Variants in FRMD5 observed in about 807,000 individuals in gnomAD.
FRMD5 encodes the protein FERM domain containing 5.
Under a neutral mutation model 69.0 loss-of-function variants are expected in FRMD5, and 20 were observed. The observed-to-expected ratio is 0.29, with a 90% CI of 0.20 to 0.42. The LOEUF (loss-of-function observed/expected upper bound fraction) is 0.42, where lower values mean the gene tolerates loss of function less well. Ranked by LOEUF, FRMD5 falls within the 10% of genes least tolerant of loss-of-function variation. FRMD5 has a pLI of 1.00. For synonymous variants in FRMD5, 271 were observed against 260.1 expected (o/e 1.04, Z -0.40); for missense variants, 595 against 708.6 (o/e 0.84, Z 1.82).
intron 1 of FRMD5, among the ~76,000 whole-genome samples, chr15:44,127,560 C>T (rs1376858214): frequency 3.3e-5 from 5 of 152,108 alleles, no homozygotes; most frequent in African/African-American, 1.2e-4. Flanking sequence ...CTCTCCTTTC[C>T]CTCAATTATA....
chr15:44,151,746 T>G (rs940529383), intron 1 of FRMD5, among the ~76,000 whole-genome samples: 5 of 152,108 alleles, frequency 3.3e-5, no homozygotes, highest in African/African-American at 1.2e-4. Flanking sequence ...AAAAAAAAGT[T>G]TGGACTTCAT....
chr15:43,938,141 G>T (rs1595537552), intron 1 of FRMD5, among the ~76,000 whole-genome samples: 1 of 147,632 alleles, frequency 6.8e-6, no homozygotes, highest in Admixed American at 6.9e-5. Flanking sequence ...TGAGGCAGGA[G>T]AATGGTGTCA....
chr15:44,031,602 C>A (rs1454379023), intron 1 of FRMD5, among the ~76,000 whole-genome samples: 2 of 152,060 alleles, frequency 1.3e-5, no homozygotes, highest in Non-Finnish European at 2.9e-5. Context: ...ATGACCTAAC[C>A]ACCTCCCGAA....
chr15:43,967,379 T>G (rs1442655918), intron 1 of FRMD5, among the ~76,000 whole-genome samples: 2 of 151,970 alleles, frequency 1.3e-5, no homozygotes, highest in South Asian at 2.1e-4. Flanking sequence ...ACTATAGGCA[T>G]GTGCCACCAC....
intron 7 of FRMD5, chr15:43,901,871 T>A (rs1043954374): frequency 1.2e-5 from 4 of 345,856 alleles, no homozygotes; most frequent in African/African-American, 4.3e-5. Context: ...TCGTTCTCTG[T>A]GGGGGGCCTT....
chr15:43,962,800 T>C (rs1476063177), intron 1 of FRMD5, among the ~76,000 whole-genome samples: 1 of 152,136 alleles, frequency 6.6e-6, no homozygotes, highest in African/African-American at 2.4e-5. Flanking sequence ...AAACAAGCAA[T>C]GGGGAAAGGA....
In FRMD5 at chr15:43,915,788, G is replaced by A. The variant is rs142897947; in HGVS notation, c.329+3671C>T. ...CCCCCTTCTCTCAGCCTGGCTTTAT[G>A]GGAATGGCTGAGACAGCAGTGAAAT... On this transcript the variant is annotated intron_variant, in intron 4 of 13. Coordinates refer to ENST00000417257, the MANE Select transcript of FRMD5 (RefSeq NM_032892.5). Among the ~76,000 whole-genome samples, 208 of 152,296 alleles carry A rather than the reference G, an allele frequency of 1.4e-3. 1 individual carries two copies. The highest frequency in any genetic ancestry group is 2.5e-3 in the Non-Finnish European group (169 of 68,028).
chr15:43,951,012 G>A (rs981339865), intron 1 of FRMD5, among the ~76,000 whole-genome samples: 1 of 152,174 alleles, frequency 6.6e-6, no homozygotes. Context: ...GGGCCAGTCA[G>A]AAGATCTACA....
At chr15:44,113,920 T>C (rs1192432277) in intron 1 of FRMD5, among the ~76,000 whole-genome samples, 1 of 152,122 alleles carries the variant, frequency 6.6e-6, no homozygotes, top group Non-Finnish European at 1.5e-5. Context: ...AAACACCAGA[T>C]TAATCGACAT....
chr15:44,102,287 T>C (rs1224385345), intron 1 of FRMD5, among the ~76,000 whole-genome samples: 5 of 152,202 alleles, frequency 3.3e-5, no homozygotes, highest in Non-Finnish European at 7.3e-5. Context: ...GTGAAAAATA[T>C]AGTCAAATCC....
At chr15:43,921,994 A>G (rs1205838170) in intron 2 of FRMD5, among the ~76,000 whole-genome samples, 1 of 152,144 alleles carries the variant, frequency 6.6e-6, no homozygotes, top group Non-Finnish European at 1.5e-5. Context: ...ACCCTGAGGG[A>G]GCAGGGGAGC....
chr15:43,993,188 GT>G (rs935331877), intron 1 of FRMD5, among the ~76,000 whole-genome samples: 1 of 152,028 alleles, frequency 6.6e-6, no homozygotes, highest in South Asian at 2.1e-4. Context: ...TAACATAATA[GT>G]TTTTTTGTTT....
At position 44,153,257 on chromosome 15, in the gene FRMD5, T is replaced by C. The variant is rs559091410; in HGVS notation, c.102+41696A>G. ...TGAACACAAGGTCTCAAAGAGATACTTGTATATCCATGTTCACAGCAGCAT... is the reference window on the plus strand; with the variant it reads ...TGAACACAAGGTCTCAAAGAGATACCTGTATATCCATGTTCACAGCAGCAT... On this transcript the variant is annotated intron_variant, in intron 1 of 13. Coordinates refer to ENST00000417257, the MANE Select transcript of FRMD5 (RefSeq NM_032892.5). Among the ~76,000 whole-genome samples the C allele has an allele frequency of 6.6e-5, 10 of 152,334 alleles. No homozygotes were observed. The South Asian group carries it at 1.9e-3, about 28-fold the overall frequency.
intron 1 of FRMD5, among the ~76,000 whole-genome samples, chr15:44,057,731 G>T (rs1293411578): frequency 1.3e-5 from 2 of 152,292 alleles, no homozygotes; most frequent in South Asian, 4.1e-4. Flanking sequence ...TTCTAATTTT[G>T]CTATAATTGG....
intron 1 of FRMD5, among the ~76,000 whole-genome samples, chr15:43,942,396 G>A (rs909445412): frequency 2.0e-5 from 3 of 152,178 alleles, no homozygotes; most frequent in East Asian, 1.9e-4. Context: ...CAGCAACACC[G>A]AAACTCATTA....
intron 1 of FRMD5, among the ~76,000 whole-genome samples, chr15:43,935,054 T>C (rs1366313504): frequency 1.3e-5 from 2 of 152,198 alleles, no homozygotes; most frequent in Non-Finnish European, 2.9e-5. Flanking sequence ...CTCTGAAACG[T>C]GGCTGAGGCA....
At chr15:44,065,635 G>C (rs1375305221) in intron 1 of FRMD5, among the ~76,000 whole-genome samples, 1 of 151,978 alleles carries the variant, frequency 6.6e-6, no homozygotes, top group African/African-American at 2.4e-5. Context: ...ATTGATTTTG[G>C]TCATGATATT....
chr15:44,158,958 T>C (rs946851740), intron 1 of FRMD5, among the ~76,000 whole-genome samples: 3 of 152,100 alleles, frequency 2.0e-5, no homozygotes, highest in Non-Finnish European at 2.9e-5. Flanking sequence ...ATGCCCAGCA[T>C]GGCATAGGAA....
At chr15:43,893,128 CAA>C (rs397957563) in intron 7 of FRMD5, among the ~76,000 whole-genome samples, 2 of 117,388 alleles carry the variant, frequency 1.7e-5, no homozygotes, top group Non-Finnish European at 1.9e-5. Context: ...AACGAAAAAA[CAA>C]AAAAAAAAAA....
Sources: gnomAD v4.1 joint callset for allele counts (sites outside exome capture counted in the v4.1 genomes callset) on GRCh38, gnomAD v4.1.1 for gene constraint, MANE v1.5 for transcripts, NCBI Gene and HGNC (gene_info 2026-07-23, HGNC 2026-07-21) for gene names.